The following TRPM3 variants were observed in gnomAD, a reference collection of about 807,000 sequenced individuals.
TRPM3 encodes the protein long transient receptor potential channel 3.
In TRPM3, 77 loss-of-function variants were observed where a neutral mutation model predicts 181.2. The observed-to-expected ratio is 0.42, with a 90% CI of 0.35 to 0.51. TRPM3 has a LOEUF of 0.51. Ranked by LOEUF, TRPM3 falls within the 20% of genes least tolerant of loss-of-function variation. The pLI is 0.01. For missense variants in TRPM3, 1,759 were observed against 2,196.7 expected (o/e 0.80, Z 3.98); for synonymous variants, 745 against 796.4 (o/e 0.94, Z 1.09).
At chr9:71,223,044 G>C (rs564754205) in intron 1 of TRPM3, among the ~76,000 whole-genome samples, 1 of 152,224 alleles carries the variant, frequency 6.6e-6, no homozygotes, top group Admixed American at 6.5e-5. Context: ...GGGGCTAGGG[G>C]CTGGGGGTGG....
rs752272878 is a variant in TRPM3 at position 70,537,035 on chromosome 9, C to T, written c.4078G>A (p.Gly1360Ser). 26 of 1,611,150 alleles carry T rather than the reference C, an allele frequency of 1.6e-5. No individual in the cohort carries two copies. The highest frequency in any genetic ancestry group is 3.3e-5 in the Admixed American group (2 of 59,942). Residue 1360 changes from glycine (G) to serine (S), a missense_variant, in exon 26 of 26, where the codon GGT (glycine) becomes AGT (serine). This residue lies in a region of TRPM3 where 612 missense variants were observed against 590.0 expected (regional missense o/e 1.04). Coordinates refer to ENST00000677713, the MANE Select transcript of TRPM3 (RefSeq NM_001366145.2). ...ATACTTTCCAACTTTTCTATACCAC[C>T]TTTGTCTTTCATATTGACCGAATAG... ...SFYSVNMKDK[G>S]GIEKLESIFK...
chr9:71,446,631 G>A, intron 1 of TRPM3: 2 of 1,547,278 alleles, frequency 1.3e-6, no homozygotes, highest in East Asian at 2.5e-5. Context: ...GCAAAGACTG[G>A]GGCTCTCCCC....
chr9:70,765,782 C>G (rs992547319), intron 7 of TRPM3, among the ~76,000 whole-genome samples: 1 of 152,094 alleles, frequency 6.6e-6, no homozygotes, highest in East Asian at 1.9e-4. Context: ...TTATTATTGT[C>G]TAGTTCTTCC....
At chr9:71,414,841 T>A (rs771659270) in intron 1 of TRPM3, among the ~76,000 whole-genome samples, 2 of 152,058 alleles carry the variant, frequency 1.3e-5, no homozygotes, top group Non-Finnish European at 2.9e-5. Context: ...AAAGACCATA[T>A]GTGCTTTGAG....
intron 1 of TRPM3, among the ~76,000 whole-genome samples, chr9:71,032,760 A>G (rs971110633): frequency 5.3e-5 from 8 of 152,212 alleles, no homozygotes; most frequent in African/African-American, 1.9e-4. Context: ...GTACATGGCT[A>G]TGCATACCAC....
chr9:70,548,056 G>T (rs1210172864), intron 25 of TRPM3, among the ~76,000 whole-genome samples: 1 of 152,084 alleles, frequency 6.6e-6, no homozygotes, highest in African/African-American at 2.4e-5. Context: ...CAGGTCTATG[G>T]CTTTTCTGAA....
At chr9:70,955,429 A>G (rs1688188791) in intron 1 of TRPM3, among the ~76,000 whole-genome samples, 1 of 152,198 alleles carries the variant, frequency 6.6e-6, no homozygotes, top group African/African-American at 2.4e-5. Context: ...ATGACTGTAT[A>G]ACATCAGTAG....
chr9:70,869,518 T>C (rs1337841954), intron 1 of TRPM3, among the ~76,000 whole-genome samples: 1 of 151,956 alleles, frequency 6.6e-6, no homozygotes. Flanking sequence ...CCCCAAAGAA[T>C]GGAATGGTAG....
intron 1 of TRPM3, among the ~76,000 whole-genome samples, chr9:71,344,668 C>A (rs1487583226): frequency 1.3e-5 from 2 of 152,144 alleles, no homozygotes; most frequent in African/African-American, 4.8e-5. Context: ...CATCACACCA[C>A]TGAGGTTGAC....
At chr9:71,279,034 T>TCAAAAAAAAAAAAAAAAAAAAAA (rs200421016) in intron 1 of TRPM3, among the ~76,000 whole-genome samples, 1 of 47,490 alleles carries the variant, frequency 2.1e-5, no homozygotes, top group Admixed American at 1.9e-4. Flanking sequence ...CCTGCTTAGG[T>TCAAAAAAAAAAAAAAAAAAAAAA]TAAAAAAAAT....
chr9:71,425,907 A>G (rs956257967), intron 1 of TRPM3, among the ~76,000 whole-genome samples: 1 of 151,946 alleles, frequency 6.6e-6, no homozygotes, highest in African/African-American at 2.4e-5. Context: ...TGTTGAAGAG[A>G]GTTTGCACAT....
intron 17 of TRPM3, among the ~76,000 whole-genome samples, 182 bp downstream of exon 17, chr9:70,618,685 C>T (rs1213215724): frequency 6.6e-6 from 1 of 152,212 alleles, no homozygotes; most frequent in Admixed American, 6.5e-5. Flanking sequence ...GGGGAGGCCC[C>T]AGCCTCTATA....
At chr9:70,921,682 C>T (rs2133284904) in intron 1 of TRPM3, among the ~76,000 whole-genome samples, 1 of 152,188 alleles carries the variant, frequency 6.6e-6, no homozygotes, top group Admixed American at 6.5e-5. Context: ...ACACAAAGAC[C>T]CATTTCTCCG....
intron 9 of TRPM3, among the ~76,000 whole-genome samples, chr9:70,645,136 A>G (rs919974696): frequency 2.0e-5 from 3 of 152,196 alleles, no homozygotes; most frequent in African/African-American, 7.2e-5. Context: ...ATACTGCCCA[A>G]AGTAATTTAC....
intron 1 of TRPM3, among the ~76,000 whole-genome samples, chr9:71,026,882 C>A (rs1202752023): frequency 2.0e-5 from 3 of 152,180 alleles, no homozygotes; most frequent in South Asian, 2.1e-4. Context: ...CCCTGGCCCC[C>A]CAAGTTGTAC....
At chr9:71,382,973 C>T (rs1398688396) in intron 1 of TRPM3, among the ~76,000 whole-genome samples, 1 of 152,104 alleles carries the variant, frequency 6.6e-6, no homozygotes, top group Non-Finnish European at 1.5e-5. Context: ...CTTTAGCTTA[C>T]TCTGTATAAG....
intron 1 of TRPM3, among the ~76,000 whole-genome samples, chr9:71,303,858 T>C (rs2087007827): frequency 6.6e-6 from 1 of 152,166 alleles, no homozygotes; most frequent in African/African-American, 2.4e-5. Context: ...GTTTATTGTA[T>C]TGCAATGATT....
At chr9:71,303,557 C>T (rs959048670) in intron 1 of TRPM3, among the ~76,000 whole-genome samples, 2 of 152,162 alleles carry the variant, frequency 1.3e-5, no homozygotes, top group African/African-American at 4.8e-5. Context: ...TGATCCCATG[C>T]ATTTCTTGGC....
At chr9:70,626,738 A>T (rs185761751) in intron 12 of TRPM3, among the ~76,000 whole-genome samples, 123 of 152,272 alleles carry the variant, frequency 8.1e-4, no homozygotes, top group African/African-American at 2.8e-3. Context: ...TAGTGTCAAA[A>T]GTTAATTGCT....
Sources: allele counts gnomAD v4.1 joint callset (sites outside exome capture counted in the v4.1 genomes callset), GRCh38; gene constraint gnomAD v4.1.1; regional missense constraint gnomAD v4.1.1; transcripts MANE v1.5; gene names NCBI Gene and HGNC (gene_info 2026-07-23, HGNC 2026-07-21).